FAAH2: variants seen among roughly 807,000 people sequenced by gnomAD.
FAAH2 encodes the protein fatty acid amide hydrolase 2.
Under a neutral mutation model 36.9 loss-of-function variants are expected in FAAH2, and 60 were observed. That is an observed-to-expected ratio of 1.63 (90% CI 1.32 to 2.02). The LOEUF is 2.02. Among genes scored for constraint, FAAH2 ranks in the 30% most tolerant of loss-of-function variants. The pLI, the probability that FAAH2 is intolerant of heterozygous loss-of-function variation, is 0.00. For missense variants in FAAH2, 689 were observed against 397.5 expected (o/e 1.73, Z -6.23); for synonymous variants, 214 against 143.8 (o/e 1.49, Z -3.49).
intron 10 of FAAH2, among the ~76,000 whole-genome samples, chrX:57,471,584 A>T: frequency 8.9e-6 from 1 of 111,996 alleles, no homozygotes. Flanking sequence ...TGCTCAACGA[A>T]ATAAAAGAGG....
At chrX:57,432,959 C>T (rs1423998641) in intron 8 of FAAH2, among the ~76,000 whole-genome samples, 2 of 107,404 alleles carry the variant, frequency 1.9e-5, no homozygotes, top group Non-Finnish European at 3.9e-5. Context: ...TCACACGACC[C>T]TCTCTACCTT....
At chrX:57,452,868 T>C (rs1354048664) in intron 10 of FAAH2, among the ~76,000 whole-genome samples, 1 of 112,077 alleles carries the variant, frequency 8.9e-6, no homozygotes, top group Non-Finnish European at 1.9e-5. Flanking sequence ...GAGTCTATGA[T>C]ATTTAAGCTG....
At chrX:57,126,811 G>A in the FAAH2 span, 1 of 111,458 alleles carries the variant, frequency 9.0e-6, no homozygotes, top group African/African-American at 3.3e-5. Flanking sequence ...TATGTCTGCT[G>A]GAAGACTTCT....
chrX:57,346,735 G>A (rs1479000489), intron 5 of FAAH2, among the ~76,000 whole-genome samples: 2 of 111,570 alleles, frequency 1.8e-5, no homozygotes, highest in Non-Finnish European at 3.8e-5. Context: ...TTGTTTCTAT[G>A]TTTGGCACTC....
intron 3 of FAAH2, among the ~76,000 whole-genome samples, chrX:57,319,652 C>A (rs1455876880): frequency 1.8e-5 from 2 of 111,927 alleles, no homozygotes; most frequent in Non-Finnish European, 3.8e-5. Context: ...ACTTTTTTCA[C>A]AGAATTGGGA....
chrX:57,395,234 C>T, intron 7 of FAAH2: 1 of 609,983 alleles, frequency 1.6e-6, no homozygotes, highest in South Asian at 2.2e-5. Flanking sequence ...ATCTCTTCAG[C>T]AGCCTTCAGC....
chrX:57,466,128 A>ATCTCTCTCTC (rs66516710), intron 10 of FAAH2, among the ~76,000 whole-genome samples: 36 of 70,800 alleles, frequency 5.1e-4, no homozygotes, highest in South Asian at 2.9e-3. Context: ...TTGTTGGATT[A>ATCTCTCTCTC]TCTCTCTCTC....
intron 2 of FAAH2, among the ~76,000 whole-genome samples, chrX:57,307,939 T>C (rs1200445240): frequency 9.2e-6 from 1 of 108,767 alleles, no homozygotes; most frequent in South Asian, 4.1e-4. Context: ...AATAATGACC[T>C]CTGGGTGCAT....
the FAAH2 span, among the ~76,000 whole-genome samples, chrX:57,165,984 G>T: frequency 1.8e-5 from 2 of 111,088 alleles, no homozygotes; most frequent in Non-Finnish European, 3.8e-5. Context: ...ATGGCTGGAT[G>T]TTGAGAGGAA....
intron 3 of FAAH2, among the ~76,000 whole-genome samples, chrX:57,318,136 A>T (rs1312409513): frequency 2.7e-5 from 3 of 111,723 alleles, no homozygotes; most frequent in Non-Finnish European, 5.6e-5. Flanking sequence ...TTCAAAAGCT[A>T]GCAGAAGACA....
At chrX:57,217,290 G>A in the FAAH2 span, among the ~76,000 whole-genome samples, 107 of 108,356 alleles carry the variant, frequency 9.9e-4, 2 homozygotes, top group East Asian at 0.03. Context: ...GTTGAATTAG[G>A]TCCCAGCTAT....
chrX:57,263,298 C>T, the FAAH2 span, among the ~76,000 whole-genome samples: 2 of 111,469 alleles, frequency 1.8e-5, no homozygotes, highest in Non-Finnish European at 3.8e-5. Context: ...TGTCTATATG[C>T]TAGGAATGAA....
the FAAH2 span, among the ~76,000 whole-genome samples, chrX:57,155,676 G>T: frequency 1.8e-5 from 2 of 112,305 alleles, no homozygotes; most frequent in Non-Finnish European, 3.8e-5. Context: ...GAGACTTTGG[G>T]TTCAGTTGGA....
At chrX:57,160,696 TC>T in the FAAH2 span, among the ~76,000 whole-genome samples, 3 of 112,166 alleles carry the variant, frequency 2.7e-5, no homozygotes, top group Non-Finnish European at 3.8e-5. Context: ...ATCCCCTTTG[TC>T]CTTTTTTATT....
chrX:57,224,968 C>T, the FAAH2 span, among the ~76,000 whole-genome samples: 1 of 112,040 alleles, frequency 8.9e-6, no homozygotes, highest in Non-Finnish European at 1.9e-5. Flanking sequence ...TTTTGTATTT[C>T]AGTGGTGTTA....
the FAAH2 span, among the ~76,000 whole-genome samples, chrX:57,255,047 GA>G: frequency 9.0e-6 from 1 of 110,947 alleles, no homozygotes; most frequent in African/African-American, 3.3e-5. Flanking sequence ...TAATAAAGAA[GA>G]AAAGAGGGAA....
chrX:57,486,538 C>A, intron 10 of FAAH2, among the ~76,000 whole-genome samples: 1 of 111,868 alleles, frequency 8.9e-6, no homozygotes, highest in Non-Finnish European at 1.9e-5. Flanking sequence ...AGAGCCACTG[C>A]CAAAATCCAT....
intron 3 of FAAH2, among the ~76,000 whole-genome samples, chrX:57,319,368 A>T (rs2052943588): frequency 8.9e-6 from 1 of 111,853 alleles, no homozygotes; most frequent in African/African-American, 3.3e-5. Context: ...GCATTCCTGT[A>T]CACCAATAGT....
At chrX:57,152,769 C>G in the FAAH2 span, among the ~76,000 whole-genome samples, 1 of 111,415 alleles carries the variant, frequency 9.0e-6, no homozygotes, top group Non-Finnish European at 1.9e-5. Flanking sequence ...TGTGCTGCAC[C>G]CACTGTCCTG....
Sources: allele counts gnomAD v4.1 joint callset (sites outside exome capture counted in the v4.1 genomes callset), GRCh38; gene constraint gnomAD v4.1.1; transcripts MANE v1.5; gene names NCBI Gene and HGNC (gene_info 2026-07-23, HGNC 2026-07-21).